Variants in GRHL2 observed in about 807,000 individuals in gnomAD.
The protein encoded by GRHL2 is grainyhead like transcription factor 2.
In GRHL2, 21 loss-of-function variants were observed where a neutral mutation model predicts 83.8. The observed-to-expected ratio is 0.25, with a 90% CI of 0.18 to 0.36. The LOEUF is 0.36. GRHL2 is among the 10% of genes least tolerant of loss of function. The pLI is 1.00. For missense variants in GRHL2, 623 were observed against 781.8 expected, an observed-to-expected ratio of 0.80 and a Z score of 2.42; for synonymous variants, 280 against 278.9, an observed-to-expected ratio of 1.00 and a Z score of -0.04.
the GRHL2 span, among the ~76,000 whole-genome samples, chr8:101,678,303 A>C: frequency 3.3e-5 from 5 of 152,122 alleles, no homozygotes; most frequent in African/African-American, 1.2e-4. Flanking sequence ...TCCCTTTCCT[A>C]GTCAAAGAAA....
chr8:101,560,811 G>A (rs78665648), intron 4 of GRHL2, among the ~76,000 whole-genome samples: 1 of 152,086 alleles, frequency 6.6e-6, no homozygotes, highest in Admixed American at 6.5e-5. Context: ...TTTGTGAAGT[G>A]TCTATTCAAA....
chr8:101,573,384 G>A (rs1347914025), intron 5 of GRHL2, among the ~76,000 whole-genome samples: 2 of 152,052 alleles, frequency 1.3e-5, no homozygotes, highest in Admixed American at 1.3e-4. Context: ...GATCTACCAG[G>A]GGTTCTCCTG....
At position 101,582,669 on chromosome 8, in the gene GRHL2, G is replaced by A. The variant is rs62519119; in HGVS notation, c.1003+5150G>A. ...CCTGGTGGCAAACCTCAGAGCTGCA[G>A]GTAGAATGTTAGGGAAATGCTATTT... On this transcript the variant is annotated intron_variant, in intron 7 of 15. Coordinates refer to ENST00000646743, the MANE Select transcript of GRHL2 (RefSeq NM_024915.4). Among the ~76,000 whole-genome samples the A allele has an allele frequency of 2.3e-3, 344 of 152,276 alleles. 2 individuals are homozygous for A. The highest frequency in any genetic ancestry group is 0.012 in the South Asian group (56 of 4,828).
downstream of GRHL2, among the ~76,000 whole-genome samples, chr8:101,673,331 G>A (rs1814238801): frequency 6.6e-6 from 1 of 151,946 alleles, no homozygotes; most frequent in Non-Finnish European, 1.5e-5. Flanking sequence ...GACACACATA[G>A]GCTCAAAATA....
chr8:101,508,754 A>G (rs1810389926), intron 1 of GRHL2, among the ~76,000 whole-genome samples: 2 of 152,198 alleles, frequency 1.3e-5, no homozygotes, highest in Non-Finnish European at 2.9e-5. Flanking sequence ...TGGCCACCAC[A>G]TAAGCCTATT....
chr8:101,563,202 C>T (rs1487233056), intron 4 of GRHL2, among the ~76,000 whole-genome samples: 1 of 152,148 alleles, frequency 6.6e-6, no homozygotes, highest in African/African-American at 2.4e-5. Flanking sequence ...AGGACTCAAC[C>T]TAAGCTGTCT....
chr8:101,492,965 G>A (rs973888391), intron 1 of GRHL2, 176 bp downstream of exon 1: 2 of 679,410 alleles, frequency 2.9e-6, no homozygotes, highest in Non-Finnish European at 5.3e-6. Context: ...ATTAAGGGGA[G>A]AAACCCTACA....
chr8:101,642,294 A>G (rs752234201), intron 12 of GRHL2, among the ~76,000 whole-genome samples: 5 of 152,236 alleles, frequency 3.3e-5, no homozygotes, highest in African/African-American at 4.8e-5. Flanking sequence ...TTTATCCAAG[A>G]TGTTATTTTA....
intron 3 of GRHL2, among the ~76,000 whole-genome samples, chr8:101,553,101 T>A (rs1893328): frequency 0.047 from 7,170 of 152,290 alleles, 520 homozygotes; most frequent in African/African-American, 0.16. Flanking sequence ...TCCTATGGCA[T>A]TATAACTGCA....
chr8:101,511,425 T>A (rs549032457), intron 1 of GRHL2, among the ~76,000 whole-genome samples: 1 of 152,322 alleles, frequency 6.6e-6, no homozygotes, highest in Non-Finnish European at 1.5e-5. Context: ...TTTTTCAACC[T>A]CCATCTCCTG....
chr8:101,548,017 G>C (rs913125048), intron 2 of GRHL2, among the ~76,000 whole-genome samples: 1 of 152,210 alleles, frequency 6.6e-6, no homozygotes, highest in Admixed American at 6.5e-5. Flanking sequence ...GAAAGAGCTG[G>C]TTTATCATCA....
chr8:101,641,359 C>A (rs1284123862), intron 12 of GRHL2, among the ~76,000 whole-genome samples: 1 of 152,122 alleles, frequency 6.6e-6, no homozygotes, highest in African/African-American at 2.4e-5. Flanking sequence ...TTCATGGTAA[C>A]CGCATACATA....
rs73287012 is a variant in GRHL2, at chr8:101,667,758, A to C, written c.*1055A>C. 2 of 152,932 alleles carry C rather than the reference A, an allele frequency of 1.3e-5. No individual in the cohort carries two copies. The highest frequency in any genetic ancestry group is 1.9e-4 in the East Asian group (1 of 5,180). 9.5% of individuals were successfully genotyped at this position (152,932 alleles called of 1,614,324 possible). A position where few individuals can be genotyped will look rare whatever the true frequency, so the allele number is the denominator to read the frequency against. On this transcript the variant is annotated 3_prime_UTR_variant, in exon 16 of 16. Transcript: ENST00000646743. ...CGGGCATGGCCTGAGCTTTCTGGAG[A>C]GCCTCTGCAGGGGGTTTGCCATCAG... is the stretch of plus-strand genomic sequence containing the variant.
chr8:101,596,667 T>G (rs1812397421), intron 7 of GRHL2, among the ~76,000 whole-genome samples: 1 of 152,184 alleles, frequency 6.6e-6, no homozygotes, highest in Non-Finnish European at 1.5e-5. Context: ...AAATAATTGT[T>G]ACAGTATTGT....
rs1554596899 is a variant in GRHL2 at position 101,652,615 on chromosome 8, T to TGTGTGTG, written c.1698+3117_1698+3123dup. On this transcript the variant is annotated intron_variant, in intron 14 of 15. Coordinates refer to ENST00000646743, the MANE Select transcript of GRHL2 (RefSeq NM_024915.4). ...GTGTGTGTGTGGTGTGTGTGTGTGG[T>TGTGTGTG]GTGTGTGTGTGTGTACTATACAGAC... Among the ~76,000 whole-genome samples the TGTGTGTG allele has an allele frequency of 2.5e-3, 295 of 120,140 alleles. 3 individuals carry two copies. The highest frequency in any genetic ancestry group is 8.5e-3 in the African/African-American group (229 of 27,026). The allele number at this position is 120,140 out of a possible 152,430, so 78.8% of individuals were successfully genotyped here.
At chr8:101,616,328 A>G (rs1342990374) in intron 8 of GRHL2, among the ~76,000 whole-genome samples, 1 of 151,572 alleles carries the variant, frequency 6.6e-6, no homozygotes, top group Admixed American at 6.6e-5. Flanking sequence ...CCACCACCAT[A>G]CCCAGCTAAT....
chr8:101,513,243 A>G (rs919361971), intron 1 of GRHL2, among the ~76,000 whole-genome samples: 1 of 152,060 alleles, frequency 6.6e-6, no homozygotes, highest in African/African-American at 2.4e-5. Context: ...ATTCATCACG[A>G]TCCCACTACT....
rs562230342 is a variant in GRHL2, at chr8:101,628,504, G to A, written c.1258-3133G>A. Among the ~76,000 whole-genome samples the A allele has an allele frequency of 7.2e-5, 11 of 152,182 alleles. No homozygotes were observed. In the East Asian group the frequency reaches 2.1e-3, roughly 29 times the overall value. On this transcript the variant is annotated intron_variant, in intron 9 of 15. Coordinates refer to ENST00000646743, the MANE Select transcript of GRHL2 (RefSeq NM_024915.4). ...ACAAAAAGATTAATATTGTTTTCAT[G>A]CCTGCTAACACAACAACATCCATTC...
chr8:101,643,369 CAAAAAA>C (rs56301334), intron 12 of GRHL2, among the ~76,000 whole-genome samples: 2,036 of 96,958 alleles, frequency 0.021, 51 homozygotes, highest in East Asian at 0.083. Context: ...CTGTTTCTCT[CAAAAAA>C]AAAAAAAAAA....
Sources: allele counts gnomAD v4.1 joint callset (sites outside exome capture counted in the v4.1 genomes callset), GRCh38; gene constraint gnomAD v4.1.1; transcripts MANE v1.5; gene names NCBI Gene and HGNC (gene_info 2026-07-23, HGNC 2026-07-21).